Variants in PTDSS2 observed in about 807,000 individuals in gnomAD.
PTDSS2 encodes PSS-2.
In PTDSS2, 41 loss-of-function variants were observed where a neutral mutation model predicts 64.7. The ratio of observed to expected loss-of-function variants is 0.63; its 90% CI spans 0.49 to 0.82. PTDSS2 has a LOEUF of 0.82. PTDSS2 is among the 40% of genes least tolerant of loss of function. PTDSS2 has a pLI of 0.00. For synonymous variants in PTDSS2, 297 were observed against 277.8 expected (o/e 1.07, Z -0.69); for missense variants, 485 against 650.0 (o/e 0.75, Z 2.76).
chr11:450,632 C>T lies in PTDSS2; in HGVS notation c.177C>T (p.Phe59=), dbSNP rs1230724580. 1.6e-6 allele frequency: 2 copies of T among 1,243,474 alleles called. No individual in the cohort carries two copies. The highest frequency in any genetic ancestry group is 3.1e-5 in the African/African-American group (2 of 64,252). The allele number at this position is 1,243,474 out of a possible 1,614,324, so 77.0% of individuals were successfully genotyped here. A position where few individuals can be genotyped will look rare whatever the true frequency, so the allele number is the denominator to read the frequency against. The change falls in exon 1 of 12, where the codon TTC becomes TTT. Residue 59 remains phenylalanine, a synonymous_variant. Transcript: ENST00000308020. The stretch of plus-strand genomic sequence containing the variant: ...TCTACGACGACGGCACCAACACCTT[C>T]TTCTGGTGAGGGCAGTGGGCGGCCG... ...SEVYDDGTNT[F]FWRAHTLTVL...
intron 2 of PTDSS2, among the ~76,000 whole-genome samples, chr11:472,110 G>A (rs982977265): frequency 1.3e-5 from 2 of 152,048 alleles, no homozygotes; most frequent in Non-Finnish European, 2.9e-5. Context: ...CTGGGGTGAC[G>A]CGGATGGCGG....
intron 3 of PTDSS2, among the ~76,000 whole-genome samples, chr11:478,520 G>T (rs1847918538): frequency 6.6e-6 from 1 of 152,050 alleles, no homozygotes; most frequent in Non-Finnish European, 1.5e-5. Context: ...GCTGAGGCGG[G>T]TGGACCATCT....
intron 4 of PTDSS2, among the ~76,000 whole-genome samples, chr11:481,331 T>A (rs1002794335): frequency 6.6e-6 from 1 of 152,210 alleles, no homozygotes; most frequent in African/African-American, 2.4e-5. Flanking sequence ...TTGAATCATC[T>A]GGGTCTCTTG....
chr11:489,171 A>G (rs1442983897), intron 8 of PTDSS2, among the ~76,000 whole-genome samples: 1 of 152,244 alleles, frequency 6.6e-6, no homozygotes, highest in Non-Finnish European at 1.5e-5. Context: ...GTGGAGAAGC[A>G]GGGCTTGTAG....
intron 1 of PTDSS2, among the ~76,000 whole-genome samples, chr11:457,167 G>A (rs1437542783): frequency 6.6e-6 from 1 of 152,224 alleles, no homozygotes; most frequent in East Asian, 1.9e-4. Flanking sequence ...GCCTCCACCT[G>A]CAGTCCTGCA....
At chr11:473,270 T>A (rs1252093121) in intron 2 of PTDSS2, among the ~76,000 whole-genome samples, 1 of 152,244 alleles carries the variant, frequency 6.6e-6, no homozygotes, top group Admixed American at 6.5e-5. Context: ...GCTCTCACGC[T>A]TCCATCTTAT....
chr11:489,630 C>T lies in PTDSS2; in HGVS notation c.1012C>T (p.Leu338=). ...ELNTFYLKFV[L]WMPPEHYLVL... ...GAACACGTTCTACCTGAAGTTTGTG[C>T]TGTGGATGCCCCCGGAGCACTACCT... The change falls in exon 10 of 12, where the codon CTG becomes TTG. Residue 338 remains leucine, a synonymous_variant. Transcript: ENST00000308020. 1 of 1,594,948 alleles carries T rather than the reference C, an allele frequency of 6.3e-7. No individual in the cohort carries two copies. The highest frequency in any genetic ancestry group is 8.5e-7 in the Non-Finnish European group (1 of 1,170,688).
rs550163734 is a variant in PTDSS2 at position 465,733 on chromosome 11, T to C, written c.284+5445T>C. Among the ~76,000 whole-genome samples, 79 of 150,912 alleles carry C rather than the reference T, an allele frequency of 5.2e-4. 1 individual carries two copies. The highest frequency in any genetic ancestry group is 7.2e-4 in the Admixed American group (11 of 15,192). ...TGAGGTCACAAGTTTGAGACCAGCC[T>C]GGGCAACATAGTGAGGACCACCCCC... is the stretch of plus-strand genomic sequence containing the variant. On this transcript the variant is annotated intron_variant, in intron 2 of 11. Coordinates refer to ENST00000308020, the MANE Select transcript of PTDSS2 (RefSeq NM_030783.3).
chr11:450,531 G>T lies in PTDSS2; in HGVS notation c.76G>T (p.Glu26Ter). 8.1e-7 allele frequency: 1 copy of T among 1,241,426 alleles called. No individual in the cohort carries two copies. Among genetic ancestry groups the T allele is most frequent in the Non-Finnish European group, 1.0e-6 (1 of 985,606 alleles). The allele number at this position is 1,241,426 out of a possible 1,614,324, so 76.9% of individuals were successfully genotyped here. Residue 26 changes from glutamate (E) to a stop codon, truncating the protein, a stop_gained, in exon 1 of 12, where the codon GAG becomes TAG. Coordinates refer to ENST00000308020, the MANE Select transcript of PTDSS2 (RefSeq NM_030783.3). LOFTEE classifies it high-confidence loss of function. ...SPVPAGRASL[E>*]EPPDGPSAGQ... ...GGTGCCCGCGGGCAGGGCCTCGCTG[G>T]AGGAGCCGCCTGACGGGCCGTCTGC...
chr11:450,319 C>G lies in PTDSS2; in HGVS notation c.-137C>G. The G allele has an allele frequency of 1.4e-6, 1 of 692,520 alleles. No homozygotes were observed. The highest frequency in any genetic ancestry group is 2.0e-6 in the Non-Finnish European group (1 of 501,486). 42.9% of individuals were successfully genotyped at this position (692,520 alleles called of 1,614,324 possible). A position where few individuals can be genotyped will look rare whatever the true frequency, so the allele number is the denominator to read the frequency against. ...CCCTTTACTGGCCGGCCCCGCGCTGCTCTCCTAAGACCCCGCGGGCCAGCG... is the reference window on the plus strand; with the variant it reads ...CCCTTTACTGGCCGGCCCCGCGCTGGTCTCCTAAGACCCCGCGGGCCAGCG... On this transcript the variant is annotated 5_prime_UTR_variant, in exon 1 of 12. Transcript: ENST00000308020.
intron 4 of PTDSS2, among the ~76,000 whole-genome samples, chr11:485,173 C>CCGTG (rs1479062956): frequency 1.7e-5 from 2 of 117,482 alleles, no homozygotes; most frequent in Middle Eastern, 8.1e-3. Context: ...TGTGTGCTCA[C>CCGTG]TGCGCAGGCG....
In PTDSS2 at chr11:459,185, G is replaced by A. The variant is rs113739874; in HGVS notation, c.183-1002G>A. The A allele has an allele frequency of 1.3e-4, 4 of 30,704 alleles. 1 individual carries two copies. Among genetic ancestry groups the A allele is most frequent in the African/African-American group, 7.5e-4 (4 of 5,344 alleles). 1.9% of individuals were successfully genotyped at this position (30,704 alleles called of 1,614,324 possible). A position where few individuals can be genotyped will look rare whatever the true frequency, so the allele number is the denominator to read the frequency against. ...TGGGTTAGACGTGAGGACACACTCC[G>A]GTGGATGTCGGACCTGGGTTAGACG... On this transcript the variant is annotated intron_variant, in intron 1 of 11. Transcript: ENST00000308020.
chr11:459,149 G>A (rs1432670865), intron 1 of PTDSS2: 38 of 99,228 alleles, frequency 3.8e-4, no homozygotes, highest in African/African-American at 1.7e-3. Flanking sequence ...CACTCCGGTG[G>A]ATGTCGGACC....
intron 10 of PTDSS2, 71 bp from the exon 11 acceptor site, chr11:489,812 C>A: frequency 1.3e-6 from 2 of 1,552,414 alleles, no homozygotes; most frequent in Non-Finnish European, 1.7e-6. Flanking sequence ...CCTGGGAGGC[C>A]GGAGCCTGGG....
chr11:487,224 T>A, intron 5 of PTDSS2, 151 bp downstream of exon 5: 1 of 982,570 alleles, frequency 1.0e-6, no homozygotes, highest in Non-Finnish European at 1.5e-6. Context: ...GTCTGGATGG[T>A]GCTCATGGTG....
In PTDSS2 at chr11:461,999, G is replaced by A. The variant is rs1165565876; in HGVS notation, c.284+1711G>A. Among the ~76,000 whole-genome samples the A allele has an allele frequency of 6.6e-6, 1 of 152,176 alleles. No individual in the cohort carries two copies. Among genetic ancestry groups the A allele is most frequent in the East Asian group, 1.9e-4 (1 of 5,194 alleles). ...GCTAGGAGGGTCTGTGGCATCTGCCGGGCACAGCAGGGTAGGTGGATTAGG... is the reference window on the plus strand; with the variant it reads ...GCTAGGAGGGTCTGTGGCATCTGCCAGGCACAGCAGGGTAGGTGGATTAGG... On this transcript the variant is annotated intron_variant, in intron 2 of 11. Transcript: ENST00000308020. This position sits in a 1 kb window ranked among gnomAD's most constrained non-coding sequence, Gnocchi z 4.2.
intron 1 of PTDSS2, among the ~76,000 whole-genome samples, chr11:451,941 C>T (rs1846349104): frequency 6.6e-6 from 1 of 152,138 alleles, no homozygotes; most frequent in Non-Finnish European, 1.5e-5. Flanking sequence ...AGATGGGGTG[C>T]CTGCCACGTG....
chr11:473,862 C>T (rs375887625), intron 2 of PTDSS2, 33 bp from the exon 3 acceptor site: 125 of 1,538,020 alleles, frequency 8.1e-5, no homozygotes, highest in Non-Finnish European at 1.0e-4. Flanking sequence ...GAAGCCTGCA[C>T]ACACTGAGGG....
chr11:490,769 CACGTGTGT>C lies in PTDSS2; in HGVS notation c.*197_*204del, dbSNP rs1417390725. 1.6e-6 allele frequency: 1 copy of C among 625,924 alleles called. No individual in the cohort carries two copies. The allele number at this position is 625,924 out of a possible 1,614,324, so 38.8% of individuals were successfully genotyped here. ...CAGCACAGCCTCATCTCCATGTGTA[CACGTGTGT>C]ACGTGTGTATGCGTGTGTGTACGCG... On this transcript the variant is annotated 3_prime_UTR_variant, in exon 12 of 12. Coordinates refer to ENST00000308020, the MANE Select transcript of PTDSS2 (RefSeq NM_030783.3).
Sources: gnomAD v4.1 joint callset for allele counts (sites outside exome capture counted in the v4.1 genomes callset) on GRCh38, gnomAD v4.1.1 for gene constraint, Gnocchi (gnomAD v3.1) non-coding constraint, MANE v1.5 for transcripts, NCBI Gene and HGNC (gene_info 2026-07-23, HGNC 2026-07-21) for gene names.